Variants in PHACTR3 observed in about 807,000 individuals in gnomAD.
The protein encoded by PHACTR3 is protein phosphatase 1, regulatory subunit 123.
PHACTR3 carries 16 observed loss-of-function variants against 66.8 expected under a neutral mutation model. The ratio of observed to expected loss-of-function variants is 0.24; its 90% CI spans 0.16 to 0.36. The LOEUF is 0.36. PHACTR3 is among the 10% of genes least tolerant of loss of function. The pLI, the probability that PHACTR3 is intolerant of heterozygous loss-of-function variation, is 1.00. For synonymous variants in PHACTR3, 323 were observed against 292.1 expected (o/e 1.11, Z -1.08); for missense variants, 647 against 719.9 (o/e 0.90, Z 1.16).
At chr20:59,797,198 CTT>C (rs1399765991) in intron 7 of PHACTR3, among the ~76,000 whole-genome samples, 1 of 152,040 alleles carries the variant, frequency 6.6e-6, no homozygotes, top group Non-Finnish European at 1.5e-5. Flanking sequence ...AATGATGACT[CTT>C]TGTTGACTTT....
intron 1 of PHACTR3, among the ~76,000 whole-genome samples, chr20:59,690,990 AG>A (rs1361686969): frequency 6.6e-6 from 1 of 152,184 alleles, no homozygotes; most frequent in African/African-American, 2.4e-5. Context: ...GCTTTTTTAC[AG>A]GGCTTGAGTA....
At chr20:59,615,511 G>C (rs1486711626) in intron 1 of PHACTR3, among the ~76,000 whole-genome samples, 1 of 152,196 alleles carries the variant, frequency 6.6e-6, no homozygotes, top group Non-Finnish European at 1.5e-5. Flanking sequence ...TCTCAAACTT[G>C]TCCCCTTCTG....
chr20:59,741,274 G>A (rs1411563041), intron 1 of PHACTR3, among the ~76,000 whole-genome samples: 5 of 152,232 alleles, frequency 3.3e-5, no homozygotes, highest in African/African-American at 1.2e-4. Flanking sequence ...CGCTGACCAT[G>A]GGAGGCTGAG....
chr20:59,821,986 A>G (rs1274941505), intron 8 of PHACTR3, among the ~76,000 whole-genome samples: 1 of 90,878 alleles, frequency 1.1e-5, no homozygotes, highest in African/African-American at 3.9e-5. Context: ...CAGCGATCCC[A>G]CCCCTTCCCC....
At chr20:59,677,345 G>T (rs536418024) in intron 1 of PHACTR3, among the ~76,000 whole-genome samples, 1 of 152,212 alleles carries the variant, frequency 6.6e-6, no homozygotes, top group Non-Finnish European at 1.5e-5. Flanking sequence ...AACCCTGGGT[G>T]GGAGTGTGGG....
In PHACTR3 at chr20:59,845,279, C is replaced by A. The variant is rs535174118; in HGVS notation, c.1664+14C>A. 2.5e-6 allele frequency: 4 copies of A among 1,574,192 alleles called. No individual in the cohort carries two copies. In the South Asian group the frequency reaches 4.5e-5, roughly 18 times the overall value. ...GCACTTGACAAGGTCAGATTTGTTTCTGTGAATTTCATGGTACTTATTTTT... is the reference window on the plus strand; with the variant it reads ...GCACTTGACAAGGTCAGATTTGTTTATGTGAATTTCATGGTACTTATTTTT... On this transcript the variant is annotated intron_variant, in intron 12 of 12. Transcript: ENST00000371015.
chr20:59,740,815 G>A (rs185697659), intron 1 of PHACTR3, among the ~76,000 whole-genome samples: 6 of 152,350 alleles, frequency 3.9e-5, no homozygotes, highest in Admixed American at 1.3e-4. Flanking sequence ...TGTCACTGGG[G>A]GCACAGAGGT....
chr20:59,826,351 A>T (rs13041499), intron 8 of PHACTR3, among the ~76,000 whole-genome samples: 12,833 of 152,178 alleles, frequency 0.084, 835 homozygotes, highest in Non-Finnish European at 0.11. Flanking sequence ...GTCTGGGCCA[A>T]TGTGGGGCCA....
chr20:59,672,919 C>CT (rs1156500499), intron 1 of PHACTR3, among the ~76,000 whole-genome samples: 2 of 152,168 alleles, frequency 1.3e-5, no homozygotes, highest in Non-Finnish European at 2.9e-5. Flanking sequence ...GTGAGTGGGG[C>CT]TTAGCCTAGG....
At chr20:59,632,649 A>G (rs2034709172) in intron 1 of PHACTR3, among the ~76,000 whole-genome samples, 1 of 152,146 alleles carries the variant, frequency 6.6e-6, no homozygotes, top group Admixed American at 6.5e-5. Context: ...TCTCAGTTAA[A>G]CACTTCCTCC....
Position 59,755,313 on chromosome 20 carries a change from C to A in PHACTR3, c.490C>A (p.Gln164Lys). The A allele has an allele frequency of 6.2e-7, 1 of 1,612,720 alleles. No individual in the cohort carries two copies. The highest frequency in any genetic ancestry group is 8.5e-7 in the Non-Finnish European group (1 of 1,179,946). Residue 164 changes from glutamine (Q) to lysine (K), a missense_variant, in exon 4 of 13, where the codon CAG becomes AAG. By Grantham distance (53) the Gln-to-Lys change is moderately conservative. This residue lies in a region of PHACTR3 where 577 missense variants were observed against 571.1 expected (regional missense o/e 1.01). Coordinates refer to ENST00000371015, the MANE Select transcript of PHACTR3 (RefSeq NM_080672.5). The stretch of plus-strand genomic sequence containing the variant: ...AAGCCCCTTGGCCACTGGGACGGAC[C>A]AGGTCTCCCTGGACAAGCCACTGTC... ...PGSPLATGTD[Q>K]VSLDKPLSSA...
At position 59,766,703 on chromosome 20, in the gene PHACTR3, G is replaced by A. The variant is rs552766443; in HGVS notation, c.542-483G>A. Among the ~76,000 whole-genome samples, 12 of 152,338 alleles carry A rather than the reference G, an allele frequency of 7.9e-5. 1 individual carries two copies. The highest frequency in any genetic ancestry group is 3.3e-4 in the Admixed American group (5 of 15,306). On this transcript the variant is annotated intron_variant, in intron 4 of 12. Transcript: ENST00000371015. ...AAACAGACAAATAAGAATGAGAGCT[G>A]CTGGACTGGAGGGTTACACTGTGTC... is the stretch of plus-strand genomic sequence containing the variant.
At chr20:59,763,478 GT>G (rs1440024483) in intron 4 of PHACTR3, among the ~76,000 whole-genome samples, 1 of 152,204 alleles carries the variant, frequency 6.6e-6, no homozygotes, top group Non-Finnish European at 1.5e-5. Flanking sequence ...TGCAAGATGG[GT>G]TGATGGTTGA....
intron 1 of PHACTR3, among the ~76,000 whole-genome samples, chr20:59,669,549 T>C (rs2036119492): frequency 6.6e-6 from 1 of 152,214 alleles, no homozygotes; most frequent in Admixed American, 6.5e-5. Context: ...GAGCAGTGTT[T>C]TGCAACCATC....
At chr20:59,584,564 T>G (rs973058358) in intron 1 of PHACTR3, among the ~76,000 whole-genome samples, 3 of 151,996 alleles carry the variant, frequency 2.0e-5, no homozygotes, top group African/African-American at 7.3e-5. Flanking sequence ...CGTGCATGAG[T>G]GTATGTGTGC....
intron 1 of PHACTR3, among the ~76,000 whole-genome samples, chr20:59,681,748 C>T (rs1011908260): frequency 6.6e-5 from 10 of 152,206 alleles, no homozygotes; most frequent in African/African-American, 2.2e-4. Flanking sequence ...TGGCGGCTCA[C>T]CCCTGTAATC....
intron 7 of PHACTR3, among the ~76,000 whole-genome samples, chr20:59,779,565 A>G (rs1236022585): frequency 6.6e-6 from 1 of 152,256 alleles, no homozygotes; most frequent in East Asian, 1.9e-4. Context: ...ATCAATTATT[A>G]ATCGCAACAA....
intron 1 of PHACTR3, among the ~76,000 whole-genome samples, chr20:59,655,382 T>A (rs2035584291): frequency 2.6e-5 from 4 of 152,064 alleles, no homozygotes; most frequent in African/African-American, 9.6e-5. Flanking sequence ...ATCATCACAA[T>A]TGGTAGTCTT....
intron 7 of PHACTR3, among the ~76,000 whole-genome samples, chr20:59,798,406 C>T (rs1186285879): frequency 5.3e-5 from 8 of 152,126 alleles, no homozygotes; most frequent in Non-Finnish European, 4.4e-5. Context: ...CTTCCTTTCA[C>T]TTTTTTGAAA....
Sources: gnomAD v4.1 joint callset for allele counts (sites outside exome capture counted in the v4.1 genomes callset) on GRCh38, gnomAD v4.1.1 for gene constraint, gnomAD v4.1.1 regional missense constraint, MANE v1.5 for transcripts, NCBI Gene and HGNC (gene_info 2026-07-23, HGNC 2026-07-21) for gene names.